The following GPR158 variants were observed in gnomAD, a reference collection of about 807,000 sequenced individuals.
The protein encoded by GPR158 is G protein-coupled receptor 158.
Under a neutral mutation model 78.2 loss-of-function variants are expected in GPR158, and 30 were observed. That is an observed-to-expected ratio of 0.38 (90% CI 0.29 to 0.52). GPR158 has a LOEUF of 0.52. Among genes scored for constraint, GPR158 ranks in the 20% least tolerant of loss-of-function variants. GPR158 has a pLI of 0.83. For missense variants in GPR158, 1,463 were observed against 1,523.5 expected, an observed-to-expected ratio of 0.96 and a Z score of 0.66; for synonymous variants, 581 against 591.1, an observed-to-expected ratio of 0.98 and a Z score of 0.25.
intron 4 of GPR158, among the ~76,000 whole-genome samples, chr10:25,428,086 C>T (rs1051953117): frequency 1.3e-5 from 2 of 151,948 alleles, no homozygotes; most frequent in Admixed American, 6.6e-5. Flanking sequence ...GTTTCACTGA[C>T]AGGATGTATT....
chr10:25,401,923 T>G (rs1473725747), intron 3 of GPR158, among the ~76,000 whole-genome samples: 1 of 152,170 alleles, frequency 6.6e-6, no homozygotes, highest in Non-Finnish European at 1.5e-5. Context: ...CAGAACATAT[T>G]CCTACCTGGC....
chr10:25,572,558 G>GT, intron 6 of GPR158, 91 bp from the exon 7 acceptor site: 1 of 872,390 alleles, frequency 1.1e-6, no homozygotes, highest in Non-Finnish European at 1.9e-6. Context: ...ATTTTGGTGG[G>GT]TTTACATTTT....
At chr10:25,220,689 T>C (rs1409649603) in intron 1 of GPR158, among the ~76,000 whole-genome samples, 1 of 152,244 alleles carries the variant, frequency 6.6e-6, no homozygotes. Context: ...TTATTTTAAT[T>C]TACTTTACTA....
At chr10:25,436,252 T>TACCTG (rs1471592980) in intron 4 of GPR158, among the ~76,000 whole-genome samples, 3 of 152,240 alleles carry the variant, frequency 2.0e-5, no homozygotes, top group African/African-American at 7.2e-5. Context: ...AATTCAAACT[T>TACCTG]ACCTGAGCAT....
intron 2 of GPR158, among the ~76,000 whole-genome samples, chr10:25,238,247 C>A (rs1208429194): frequency 6.6e-6 from 1 of 152,186 alleles, no homozygotes; most frequent in African/African-American, 2.4e-5. Flanking sequence ...ACACTCACTC[C>A]CACCTCCCGA....
At chr10:25,495,767 A>G (rs1835872110) in intron 5 of GPR158, among the ~76,000 whole-genome samples, 1 of 152,182 alleles carries the variant, frequency 6.6e-6, no homozygotes, top group Non-Finnish European at 1.5e-5. Flanking sequence ...AACCTGCATC[A>G]TAAAATTACT....
intron 4 of GPR158, among the ~76,000 whole-genome samples, chr10:25,445,801 T>G (rs1835132693): frequency 6.6e-6 from 1 of 151,962 alleles, no homozygotes; most frequent in African/African-American, 2.4e-5. Context: ...CTAGGAGGAC[T>G]CTCAGAGTTC....
intron 4 of GPR158, among the ~76,000 whole-genome samples, chr10:25,455,787 C>G (rs1397377868): frequency 6.6e-6 from 1 of 152,082 alleles, no homozygotes; most frequent in Non-Finnish European, 1.5e-5. Flanking sequence ...AATGAAACAG[C>G]AGAATTTAGT....
At chr10:25,490,551 T>C (rs931850028) in intron 5 of GPR158, among the ~76,000 whole-genome samples, 7 of 147,518 alleles carry the variant, frequency 4.7e-5, no homozygotes, top group African/African-American at 1.8e-4. Context: ...TGTTTGGTTT[T>C]TTGTTCTTGC....
At chr10:25,182,846 A>G (rs1304677436) in intron 1 of GPR158, among the ~76,000 whole-genome samples, 1 of 152,206 alleles carries the variant, frequency 6.6e-6, no homozygotes, top group East Asian at 1.9e-4. Context: ...TTCTCTGTTC[A>G]GTGCTGATTT....
intron 5 of GPR158, among the ~76,000 whole-genome samples, chr10:25,523,048 A>G (rs1836299611): frequency 6.6e-6 from 1 of 152,260 alleles, no homozygotes; most frequent in African/African-American, 2.4e-5. Context: ...CAACAAGCCG[A>G]AATGGAAGAA....
At chr10:25,471,948 C>T (rs1470837520) in intron 5 of GPR158, among the ~76,000 whole-genome samples, 1 of 152,150 alleles carries the variant, frequency 6.6e-6, no homozygotes, top group Non-Finnish European at 1.5e-5. Flanking sequence ...TTTTGCTGTG[C>T]AGAAGCCCTT....
chr10:25,280,327 CT>C (rs1484547221), intron 2 of GPR158, among the ~76,000 whole-genome samples: 1 of 152,128 alleles, frequency 6.6e-6, no homozygotes, highest in Non-Finnish European at 1.5e-5. Context: ...AGATACCTAT[CT>C]TATGTCAATA....
intron 2 of GPR158, among the ~76,000 whole-genome samples, chr10:25,248,890 G>A (rs1233527896): frequency 7.3e-5 from 11 of 151,478 alleles, no homozygotes; most frequent in East Asian, 1.9e-4. Flanking sequence ...CATTGAATCT[G>A]TAAATTACCT....
At chr10:25,590,403 A>G (rs1837326119) in intron 8 of GPR158, among the ~76,000 whole-genome samples, 1 of 152,106 alleles carries the variant, frequency 6.6e-6, no homozygotes, top group Non-Finnish European at 1.5e-5. Context: ...GATTATAAAT[A>G]CGCAAAGGAA....
At chr10:25,403,632 T>A (rs1423363753) in intron 3 of GPR158, among the ~76,000 whole-genome samples, 1 of 152,090 alleles carries the variant, frequency 6.6e-6, no homozygotes, top group African/African-American at 2.4e-5. Context: ...CCAAATCAAA[T>A]TTTGATGCAA....
intron 2 of GPR158, among the ~76,000 whole-genome samples, chr10:25,356,419 T>G (rs1053546217): frequency 6.6e-6 from 1 of 152,006 alleles, no homozygotes; most frequent in African/African-American, 2.4e-5. Context: ...ACTTATTGGT[T>G]GTTTAAGAGT....
chr10:25,410,485 G>T (rs1004931739), intron 3 of GPR158, among the ~76,000 whole-genome samples: 1 of 152,036 alleles, frequency 6.6e-6, no homozygotes, highest in East Asian at 1.9e-4. Flanking sequence ...GCGTGGTGGC[G>T]CGTGTCTGTA....
At chr10:25,356,926 G>A (rs1855562874) in intron 2 of GPR158, among the ~76,000 whole-genome samples, 1 of 152,044 alleles carries the variant, frequency 6.6e-6, no homozygotes, top group African/African-American at 2.4e-5. Context: ...AAATGTGGGA[G>A]AGTTTGGAAT....
Sources: gnomAD v4.1 joint callset for allele counts (sites outside exome capture counted in the v4.1 genomes callset) on GRCh38, gnomAD v4.1.1 for gene constraint, MANE v1.5 for transcripts, NCBI Gene and HGNC (gene_info 2026-07-23, HGNC 2026-07-21) for gene names.